TENM3: variants seen among roughly 807,000 people sequenced by gnomAD.
The protein encoded by TENM3 is teneurin-3.
A neutral mutation model predicts 255.1 loss-of-function variants in TENM3; 63 were observed. The observed-to-expected ratio is 0.25, with a 90% CI of 0.20 to 0.30. The LOEUF (loss-of-function observed/expected upper bound fraction) is 0.30. Among genes scored for constraint, TENM3 ranks in the 10% least tolerant of loss-of-function variants. The pLI is 1.00. For synonymous variants in TENM3, 1,306 were observed against 1,322.3 expected (o/e 0.99, Z 0.27); for missense variants, 2,929 against 3,461.1 (o/e 0.85, Z 3.86).
chr4:182,085,371 A>G, the TENM3 span, among the ~76,000 whole-genome samples: 1 of 152,332 alleles, frequency 6.6e-6, no homozygotes. Flanking sequence ...CACAAAAGCC[A>G]AAGTTCTCCC....
At chr4:181,910,393 C>T in the TENM3 span, among the ~76,000 whole-genome samples, 1 of 151,696 alleles carries the variant, frequency 6.6e-6, no homozygotes, top group African/African-American at 2.4e-5. Flanking sequence ...GGTGAAACCC[C>T]GCCTCTACTA....
At chr4:182,486,295 A>T (rs1056445312) in intron 3 of TENM3, among the ~76,000 whole-genome samples, 1 of 105,182 alleles carries the variant, frequency 9.5e-6, no homozygotes, top group South Asian at 4.2e-4. Context: ...TTCATTCTTA[A>T]GAAGTATTTT....
chr4:181,582,298 G>GA, the TENM3 span, among the ~76,000 whole-genome samples: 1,552 of 149,392 alleles, frequency 0.01, 20 homozygotes, highest in South Asian at 0.087. Context: ...AGCAGGGAGA[G>GA]AAAAAAAAAA....
At chr4:181,719,633 G>A in the TENM3 span, among the ~76,000 whole-genome samples, 1 of 152,114 alleles carries the variant, frequency 6.6e-6, no homozygotes, top group Non-Finnish European at 1.5e-5. Context: ...TCTCCCAAAG[G>A]CCCCACATCC....
chr4:181,967,722 C>G, the TENM3 span, among the ~76,000 whole-genome samples: 2 of 152,058 alleles, frequency 1.3e-5, no homozygotes, highest in African/African-American at 2.4e-5. Context: ...CAAACTCAAA[C>G]CCCTGAGATT....
At chr4:181,650,957 T>C in the TENM3 span, among the ~76,000 whole-genome samples, 3 of 152,234 alleles carry the variant, frequency 2.0e-5, no homozygotes, top group African/African-American at 7.2e-5. Flanking sequence ...AAGTCCTAAG[T>C]GTTCAGCTAT....
the TENM3 span, among the ~76,000 whole-genome samples, chr4:181,495,530 G>C: frequency 1.4e-5 from 2 of 146,772 alleles, no homozygotes; most frequent in Non-Finnish European, 3.0e-5. Context: ...CCTTAGGACA[G>C]GTCTTTTGCA....
At chr4:182,293,816 C>G (rs1234762672) in intron 1 of TENM3, among the ~76,000 whole-genome samples, 2 of 152,112 alleles carry the variant, frequency 1.3e-5, no homozygotes, top group Non-Finnish European at 2.9e-5. Flanking sequence ...CTCTCTTTCC[C>G]TGAGCCCTCA....
chr4:182,678,900 A>G (rs370564641), intron 7 of TENM3, among the ~76,000 whole-genome samples: 7 of 152,312 alleles, frequency 4.6e-5, no homozygotes, highest in South Asian at 4.1e-4. Flanking sequence ...TATATGTGGG[A>G]GCTAAAAAAG....
the TENM3 span, among the ~76,000 whole-genome samples, chr4:181,916,328 A>C: frequency 6.6e-6 from 1 of 152,316 alleles, no homozygotes; most frequent in East Asian, 1.9e-4. Context: ...TTACTTGTTT[A>C]ATGCCCATCT....
chr4:181,664,489 A>C, the TENM3 span, among the ~76,000 whole-genome samples: 2 of 117,482 alleles, frequency 1.7e-5, no homozygotes, highest in East Asian at 2.2e-4. Flanking sequence ...AAAAAAACAA[A>C]ACAAAAAAAT....
rs763600271 is a variant in TENM3 at position 182,271,951 on chromosome 4, A to G, written c.-76+28475A>G. ...CACGGAGGGTGTGTGAACAGGCGGC[A>G]GCTCTGCCCTTGCGCAGTCCTCGTG... On this transcript the variant is annotated intron_variant, in intron 1 of 27. Coordinates refer to ENST00000511685, the MANE Select transcript of TENM3 (RefSeq NM_001080477.4). 2.6e-5 allele frequency among the ~76,000 whole-genome samples: 4 copies of G among 152,230 alleles called. 1 individual carries two copies. Among genetic ancestry groups the G allele is most frequent in the Non-Finnish European group, 5.9e-5 (4 of 68,044 alleles).
chr4:182,273,426 T>C (rs113117666), intron 1 of TENM3, among the ~76,000 whole-genome samples: 4,968 of 152,322 alleles, frequency 0.033, 122 homozygotes, highest in African/African-American at 0.055. Context: ...AGACAGATAA[T>C]TCACTTGGGG....
chr4:182,144,739 G>A (rs1200871136), exon 1 of TENM3: 5 of 147,068 alleles, frequency 3.4e-5, no homozygotes, highest in Admixed American at 6.7e-5. Flanking sequence ...CCGGCGGCGC[G>A]GGCGAGCCGA....
chr4:181,931,245 T>C, the TENM3 span, among the ~76,000 whole-genome samples: 11 of 152,220 alleles, frequency 7.2e-5, no homozygotes, highest in African/African-American at 2.7e-4. Context: ...GCAGATGACA[T>C]AATTGTATAT....
the TENM3 span, among the ~76,000 whole-genome samples, chr4:181,533,371 G>T: frequency 5.3e-5 from 8 of 152,300 alleles, no homozygotes; most frequent in East Asian, 1.4e-3. Context: ...ATGCACAAAT[G>T]CTTCTCCTGG....
the TENM3 span, among the ~76,000 whole-genome samples, chr4:181,596,314 G>T: frequency 6.6e-6 from 1 of 152,162 alleles, no homozygotes; most frequent in African/African-American, 2.4e-5. Flanking sequence ...CTCTAGATGT[G>T]TTTTCACAAG....
the TENM3 span, among the ~76,000 whole-genome samples, chr4:181,598,314 G>C: frequency 3.9e-5 from 6 of 152,014 alleles, no homozygotes; most frequent in Non-Finnish European, 7.4e-5. Context: ...AGGCTCTAGG[G>C]CTTTCATTCC....
At chr4:181,674,658 C>T in the TENM3 span, among the ~76,000 whole-genome samples, 2 of 152,070 alleles carry the variant, frequency 1.3e-5, no homozygotes, top group African/African-American at 2.4e-5. Flanking sequence ...TTTGGAAAAA[C>T]GGACAGTTGA....
Sources: gnomAD v4.1 joint callset for allele counts (sites outside exome capture counted in the v4.1 genomes callset) on GRCh38, gnomAD v4.1.1 for gene constraint, MANE v1.5 for transcripts, NCBI Gene and HGNC (gene_info 2026-07-23, HGNC 2026-07-21) for gene names.